The following RSU1 variants were observed in gnomAD, a reference collection of about 807,000 sequenced individuals.
The protein encoded by RSU1 is rsu-1.
In RSU1, 26 loss-of-function variants were observed where a neutral mutation model predicts 31.1. The ratio of observed to expected loss-of-function variants is 0.84; its 90% CI spans 0.61 to 1.16. The LOEUF (loss-of-function observed/expected upper bound fraction) is 1.16. Ranked by LOEUF, RSU1 falls within the 50% of genes most tolerant of loss-of-function variation. The probability of loss-of-function intolerance (pLI) is 0.00; values close to 1 mark genes in which losing one functional copy is unlikely to be tolerated. For synonymous variants in RSU1, 164 were observed against 136.3 expected (o/e 1.20, Z -1.41); for missense variants, 320 against 339.1 (o/e 0.94, Z 0.44).
chr10:16,731,612 A>ATTAT (rs1241573458), intron 7 of RSU1, among the ~76,000 whole-genome samples: 1 of 152,234 alleles, frequency 6.6e-6, no homozygotes, highest in Non-Finnish European at 1.5e-5. Flanking sequence ...TTTACAATCC[A>ATTAT]ACAGCAATGC....
intron 3 of RSU1, among the ~76,000 whole-genome samples, chr10:16,777,455 A>G (rs1370231752): frequency 2.0e-5 from 3 of 152,226 alleles, no homozygotes; most frequent in South Asian, 2.1e-4. Flanking sequence ...ACCTCCTTCT[A>G]TAAGGATTTA....
At chr10:16,676,359 T>G (rs1185616179) in intron 8 of RSU1, among the ~76,000 whole-genome samples, 3 of 152,198 alleles carry the variant, frequency 2.0e-5, no homozygotes, top group Non-Finnish European at 4.4e-5. Context: ...GGCAAGAGAC[T>G]GTGTGCAGGG....
At chr10:16,674,064 G>A (rs1287580170) in intron 8 of RSU1, among the ~76,000 whole-genome samples, 4 of 152,128 alleles carry the variant, frequency 2.6e-5, no homozygotes, top group African/African-American at 9.7e-5. Context: ...TGTCTGTTAG[G>A]GGATGGGAGG....
chr10:16,653,903 T>G (rs1325682998), intron 8 of RSU1, among the ~76,000 whole-genome samples: 1 of 152,134 alleles, frequency 6.6e-6, no homozygotes, highest in East Asian at 1.9e-4. Context: ...ATCCCTAGAT[T>G]TATAAACACA....
At chr10:16,649,574 G>T (rs1417034416) in intron 8 of RSU1, among the ~76,000 whole-genome samples, 1 of 152,150 alleles carries the variant, frequency 6.6e-6, no homozygotes, top group Admixed American at 6.5e-5. Flanking sequence ...TTGCAAATCA[G>T]CGACAAAACT....
At chr10:16,646,739 G>C (rs2131509682) in intron 8 of RSU1, among the ~76,000 whole-genome samples, 1 of 152,328 alleles carries the variant, frequency 6.6e-6, no homozygotes, top group East Asian at 1.9e-4. Flanking sequence ...GCAAGGCATT[G>C]TAACTAATAA....
At chr10:16,816,892 T>A (rs1182615535) in intron 2 of RSU1, 81 bp downstream of exon 2, 1 of 993,624 alleles carries the variant, frequency 1.0e-6, no homozygotes, top group Non-Finnish European at 1.6e-6. Context: ...GTACAATCGC[T>A]CACAGCAGGA....
At chr10:16,793,105 A>AC (rs45486991) in intron 2 of RSU1, among the ~76,000 whole-genome samples, 33,216 of 152,140 alleles carry the variant, frequency 0.22, 3,778 homozygotes, top group African/African-American at 0.26. Flanking sequence ...TCACCAACAC[A>AC]CCAGAATCAT....
chr10:16,727,208 G>A (rs1250354375), intron 7 of RSU1: 2 of 450,268 alleles, frequency 4.4e-6, no homozygotes, highest in Admixed American at 4.7e-5. Flanking sequence ...TGGGCGGAAA[G>A]AGTGACGATG....
intron 8 of RSU1, among the ~76,000 whole-genome samples, chr10:16,672,347 C>G (rs1053781623): frequency 3.3e-5 from 5 of 152,070 alleles, no homozygotes; most frequent in African/African-American, 1.2e-4. Flanking sequence ...ATATGACCCA[C>G]GCATTCCACT....
intron 7 of RSU1, among the ~76,000 whole-genome samples, chr10:16,742,464 C>T (rs1167787855): frequency 6.6e-6 from 1 of 152,004 alleles, no homozygotes; most frequent in East Asian, 1.9e-4. Flanking sequence ...GGGTCTGACT[C>T]AGTATAACCT....
intron 4 of RSU1, among the ~76,000 whole-genome samples, chr10:16,763,955 A>C (rs1564348888): frequency 6.6e-6 from 1 of 152,216 alleles, no homozygotes; most frequent in African/African-American, 2.4e-5. Flanking sequence ...AATTGCATAA[A>C]TGAATGAAGC....
chr10:16,763,484 G>A (rs960249175), intron 4 of RSU1, among the ~76,000 whole-genome samples: 1 of 152,144 alleles, frequency 6.6e-6, no homozygotes, highest in Admixed American at 6.5e-5. Flanking sequence ...ACTATCACAA[G>A]GACAGTACCA....
At chr10:16,660,339 G>T (rs946445827) in intron 8 of RSU1, among the ~76,000 whole-genome samples, 2 of 152,136 alleles carry the variant, frequency 1.3e-5, no homozygotes, top group African/African-American at 4.8e-5. Context: ...CACGCTACCT[G>T]TTGTGCGGTG....
At chr10:16,789,575 A>C (rs1837869657) in intron 2 of RSU1, among the ~76,000 whole-genome samples, 1 of 152,194 alleles carries the variant, frequency 6.6e-6, no homozygotes, top group African/African-American at 2.4e-5. Context: ...GAGCTGTTAG[A>C]AAAGAAGGGA....
At chr10:16,778,852 G>A (rs990390039) in intron 3 of RSU1, among the ~76,000 whole-genome samples, 1 of 152,210 alleles carries the variant, frequency 6.6e-6, no homozygotes, top group African/African-American at 2.4e-5. Flanking sequence ...GCAGAGAGGG[G>A]CAGTGAGTGC....
chr10:16,774,326 G>C (rs776783524), intron 3 of RSU1, among the ~76,000 whole-genome samples: 2 of 152,060 alleles, frequency 1.3e-5, no homozygotes, highest in African/African-American at 2.4e-5. Flanking sequence ...TTAAGAAATA[G>C]CATCACTAGG....
chr10:16,661,872 C>G (rs146473076), intron 8 of RSU1, among the ~76,000 whole-genome samples: 18 of 152,342 alleles, frequency 1.2e-4, no homozygotes, highest in Non-Finnish European at 2.5e-4. Context: ...ATTATAAGGT[C>G]TTTCTGCCCC....
At chr10:16,649,644 T>G (rs1230023874) in intron 8 of RSU1, among the ~76,000 whole-genome samples, 1 of 152,136 alleles carries the variant, frequency 6.6e-6, no homozygotes, top group South Asian at 2.1e-4. Flanking sequence ...AGGCACGTGA[T>G]TTTTCTAGGG....
Sources: gnomAD v4.1 joint callset for allele counts (sites outside exome capture counted in the v4.1 genomes callset) on GRCh38, gnomAD v4.1.1 for gene constraint, MANE v1.5 for transcripts, NCBI Gene and HGNC (gene_info 2026-07-23, HGNC 2026-07-21) for gene names.